RAD51C: variants seen among roughly 807,000 people sequenced by gnomAD.
The protein encoded by RAD51C is RAD51 paralog C, also known as DNA repair protein RAD51 homolog 3.
Under a neutral mutation model 45.0 loss-of-function variants are expected in RAD51C, and 42 were observed. That is an observed-to-expected ratio of 0.93 (90% confidence interval 0.73 to 1.21). The LOEUF (loss-of-function observed/expected upper bound fraction) is 1.21, where lower values mean the gene tolerates loss of function less well. RAD51C is among the 50% of genes most tolerant of loss of function. The probability of loss-of-function intolerance (pLI) is 0.00; values close to 1 mark genes in which losing one functional copy is unlikely to be tolerated. For missense variants in RAD51C, 474 were observed against 452.2 expected (o/e 1.05, Z -0.44); for synonymous variants, 172 against 159.8 (o/e 1.08, Z -0.58).
At position 58,695,059 on chromosome 17, in the gene RAD51C, G is replaced by A. The variant is rs765304898; in HGVS notation, c.274G>A (p.Glu92Lys). ...GAAGTGTACAGCACTGGAACTTCTT[G>A]AGCAGGAGCATACCCAGGGCTTCAT... ...HKKCTALELL[E>K]QEHTQGFIIT... Residue 92 changes from glutamate (E) to lysine (K), a missense_variant, in exon 2 of 9, where the codon GAG becomes AAG. Glu to Lys is a moderately conservative substitution (Grantham distance 56). Coordinates refer to ENST00000337432, the MANE Select transcript of RAD51C (RefSeq NM_058216.3). 6.2e-7 allele frequency: 1 copy of A among 1,614,092 alleles called. No individual in the cohort carries two copies.
At chr17:58,723,908 G>GT in intron 6 of RAD51C, 132 bp from the exon 7 acceptor site, 2 of 826,968 alleles carry the variant, frequency 2.4e-6, no homozygotes, top group Non-Finnish European at 4.0e-6. Flanking sequence ...CATTTTCCAG[G>GT]TTTTTTGAAA....
Position 58,692,691 on chromosome 17 carries a change from T to C in RAD51C, c.48T>C (p.Ser16=), listed in dbSNP as rs766058636. The C allele has an allele frequency of 6.2e-7, 1 of 1,614,024 alleles. No individual in the cohort carries two copies. Among genetic ancestry groups the C allele is most frequent in the African/African-American group, 1.3e-5 (1 of 74,930 alleles). ...FRFEMQRDLV[S]FPLSPAVRVK... Reference sequence around the variant, plus strand: ...TTGAAATGCAGCGGGATTTGGTGAGTTTCCCGCTGTCTCCAGCGGTGCGGG... The same window carrying C: ...TTGAAATGCAGCGGGATTTGGTGAGCTTCCCGCTGTCTCCAGCGGTGCGGG... The change falls in exon 1 of 9, where the codon AGT becomes AGC. Residue 16 remains serine (S), a synonymous_variant. Coordinates refer to ENST00000337432, the MANE Select transcript of RAD51C (RefSeq NM_058216.3).
chr17:58,693,002 T>C, intron 1 of RAD51C: 2 of 647,038 alleles, frequency 3.1e-6, no homozygotes, highest in Admixed American at 3.0e-5. Context: ...TAATTGCTTT[T>C]CCTCTGGCAA....
chr17:58,697,743 G>A (rs1196227880), intron 3 of RAD51C, among the ~76,000 whole-genome samples: 4 of 150,524 alleles, frequency 2.7e-5, no homozygotes, highest in Admixed American at 6.6e-5. Context: ...ACAAAGTTTC[G>A]CTTTTGCTGC....
intron 5 of RAD51C, among the ~76,000 whole-genome samples, chr17:58,713,517 T>C (rs960016732): frequency 6.6e-6 from 1 of 151,846 alleles, no homozygotes; most frequent in African/African-American, 2.4e-5. Flanking sequence ...ATTTTTAAAT[T>C]TTTTGTAGAG....
At position 58,723,464 on chromosome 17, in the gene RAD51C, C is replaced by A. The variant is rs548132431; in HGVS notation, c.905-576C>A. On this transcript the variant is annotated intron_variant, in intron 6 of 8. Transcript: ENST00000337432. ...CCCAGGAGCCTCGTATGCTCTCCCC[C>A]CAAGAGGCAACCACTATCCTGAATT... Among the ~76,000 whole-genome samples the A allele has an allele frequency of 6.6e-5, 10 of 152,024 alleles. No individual in the cohort carries two copies. In the East Asian group the frequency reaches 1.5e-3, roughly 24 times the overall value.
rs894759401 is a variant in RAD51C, at chr17:58,692,901, C to T, written c.145+113C>T. On this transcript the variant is annotated intron_variant, in intron 1 of 8. Coordinates refer to ENST00000337432, the MANE Select transcript of RAD51C (RefSeq NM_058216.3). ...GTCTCCGTTAGATTCTGCTTCCTCCCACGTCCATGTTTACAGCGTGAAAGA... is the reference window on the plus strand; with the variant it reads ...GTCTCCGTTAGATTCTGCTTCCTCCTACGTCCATGTTTACAGCGTGAAAGA... 4 of 1,492,862 alleles carry T rather than the reference C, an allele frequency of 2.7e-6. No homozygotes were observed. The East Asian group carries it at 6.8e-5, about 25-fold the overall frequency. 92.5% of individuals were successfully genotyped at this position (1,492,862 alleles called of 1,614,324 possible).
Position 58,724,254 on chromosome 17 carries a change from CAT to C in RAD51C, c.965+156_965+157del, listed in dbSNP as rs199956084. On this transcript the variant is annotated intron_variant, in intron 7 of 8. Transcript: ENST00000337432. ...CTTGTCTGATATCACCTAGAGCAAA[CAT>C]AGAAATGTGTTGTTATTACTGCATA... is the stretch of plus-strand genomic sequence containing the variant. Among the ~76,000 whole-genome samples the C allele has an allele frequency of 2.6e-5, 4 of 152,228 alleles. No homozygotes were observed. The East Asian group carries it at 7.7e-4, about 29-fold the overall frequency.
At chr17:58,733,866 G>A (rs1031296665) in intron 8 of RAD51C, among the ~76,000 whole-genome samples, 1 of 152,018 alleles carries the variant, frequency 6.6e-6, no homozygotes, top group Non-Finnish European at 1.5e-5. Flanking sequence ...CTAGAGGTGT[G>A]TGCCACCATG....
intron 6 of RAD51C, among the ~76,000 whole-genome samples, chr17:58,723,669 A>G (rs778108091): frequency 3.0e-4 from 46 of 152,084 alleles, no homozygotes; most frequent in Non-Finnish European, 6.0e-4. Context: ...GATGACATGA[A>G]TATGCCACAA....
At chr17:58,714,671 A>T (rs1192698871) in intron 5 of RAD51C, among the ~76,000 whole-genome samples, 3 of 151,894 alleles carry the variant, frequency 2.0e-5, no homozygotes, top group Non-Finnish European at 2.9e-5. Flanking sequence ...GTTAGCCAGG[A>T]TGGTCTCGAT....
Position 58,734,588 on chromosome 17 carries a change from GTTTTTTTTTTTT to G in RAD51C, c.*378_*389del, listed in dbSNP as rs34517797. 15 of 102,508 alleles carry G rather than the reference GTTTTTTTTTTTT, an allele frequency of 1.5e-4. No homozygotes were observed. In the East Asian group the frequency reaches 3.5e-3, roughly 24 times the overall value. The allele number at this position is 102,508 out of a possible 1,614,324, so 6.3% of individuals were successfully genotyped here. A position where few individuals can be genotyped will look rare whatever the true frequency, so the allele number is the denominator to read the frequency against. On this transcript the variant is annotated 3_prime_UTR_variant, in exon 9 of 9. Transcript: ENST00000337432. Reference sequence around the variant, plus strand: ...AAGAAACATATCATATTCTTATTGTGTTTTTTTTTTTTTTTTTTTTTTTGGAGATGGATTCTC... The same window carrying G: ...AAGAAACATATCATATTCTTATTGTGTTTTTTTTTTTGGAGATGGATTCTC...
chr17:58,710,076 GCC>G, intron 5 of RAD51C, 86 bp downstream of exon 5: 4 of 1,449,216 alleles, frequency 2.8e-6, no homozygotes, highest in Non-Finnish European at 3.9e-6. Flanking sequence ...AATAGCGTTT[GCC>G]TGACAAATAA....
rs876658264 is a variant in RAD51C, at chr17:58,696,852, G to T, written c.564G>T (p.Lys188Asn). ...TTCAGCTTATAGCAGAAAAACACAA[G>T]GGAGAGGGTAAGTTAGTAAATGATC... is the stretch of plus-strand genomic sequence containing the variant. ...QHLQLIAEKHKGEEHRKALED... is the reference protein window; with the variant it reads ...QHLQLIAEKHNGEEHRKALED... The change falls in exon 3 of 9, where the codon AAG becomes AAT. Residue 188 changes from lysine (K) to asparagine (N), a missense_variant. Coordinates refer to ENST00000337432, the MANE Select transcript of RAD51C (RefSeq NM_058216.3). The T allele has an allele frequency of 6.2e-7, 1 of 1,614,080 alleles. No individual in the cohort carries two copies. Among genetic ancestry groups the T allele is most frequent in the Non-Finnish European group, 8.5e-7 (1 of 1,179,962 alleles).
chr17:58,705,144 AAATT>A (rs2048335894), intron 4 of RAD51C, among the ~76,000 whole-genome samples: 1 of 151,956 alleles, frequency 6.6e-6, no homozygotes, highest in Non-Finnish European at 1.5e-5. Context: ...TAATAAATAA[AAATT>A]AAATAAATAA....
chr17:58,734,008 G>T, intron 8 of RAD51C, 110 bp from the exon 9 acceptor site: 2 of 1,496,104 alleles, frequency 1.3e-6, no homozygotes, highest in Non-Finnish European at 1.8e-6. Flanking sequence ...GAGCCACTGC[G>T]CCTGGCCCTA....
At chr17:58,720,906 C>A in intron 6 of RAD51C, 94 bp downstream of exon 6, 1 of 1,026,572 alleles carries the variant, frequency 9.7e-7, no homozygotes. Context: ...TTCATGAAAG[C>A]AGACTGTATT....
intron 5 of RAD51C, among the ~76,000 whole-genome samples, chr17:58,710,317 TAA>T (rs71143280): frequency 1.0e-4 from 7 of 67,420 alleles, no homozygotes; most frequent in South Asian, 5.7e-4. Flanking sequence ...CTGTCTCTAC[TAA>T]AAAAAAAAAA....
At chr17:58,702,977 A>G (rs2048261152) in intron 3 of RAD51C, among the ~76,000 whole-genome samples, 6 of 152,232 alleles carry the variant, frequency 3.9e-5, no homozygotes, top group Admixed American at 3.9e-4. Context: ...ACATGTATAC[A>G]TATGTAACCT....
Sources: allele counts gnomAD v4.1 joint callset (sites outside exome capture counted in the v4.1 genomes callset), GRCh38; gene constraint gnomAD v4.1.1; transcripts MANE v1.5; gene names NCBI Gene and HGNC (gene_info 2026-07-23, HGNC 2026-07-21).